ATP2B2: variants seen among roughly 807,000 people sequenced by gnomAD.
The protein encoded by ATP2B2 is plasma membrane calcium-transporting ATPase 2.
ATP2B2 carries 15 observed loss-of-function variants against 120.0 expected under a neutral mutation model. The ratio of observed to expected loss-of-function variants is 0.12; its 90% confidence interval spans 0.08 to 0.19. The LOEUF is 0.19. ATP2B2 is among the 10% of genes least tolerant of loss of function. The pLI is 1.00. For synonymous variants in ATP2B2, 694 were observed against 700.3 expected (o/e 0.99, Z 0.14); for missense variants, 1,045 against 1,719.8 (o/e 0.61, Z 6.94).
At chr3:10,391,337 A>G (rs1354424582) in intron 5 of ATP2B2, among the ~76,000 whole-genome samples, 3 of 152,166 alleles carry the variant, frequency 2.0e-5, no homozygotes, top group African/African-American at 7.2e-5. Flanking sequence ...AGGCCCTCAC[A>G]TTCTGGTCTG....
intron 1 of ATP2B2, among the ~76,000 whole-genome samples, chr3:10,627,810 C>G (rs1039981566): frequency 2.6e-5 from 4 of 152,152 alleles, no homozygotes; most frequent in African/African-American, 9.7e-5. Flanking sequence ...ACCTCGTGGC[C>G]TTCACAGTCT....
intron 1 of ATP2B2, among the ~76,000 whole-genome samples, chr3:10,681,180 C>A (rs1023038053): frequency 6.6e-6 from 1 of 152,206 alleles, no homozygotes; most frequent in Non-Finnish European, 1.5e-5. Flanking sequence ...GGGAATTAAA[C>A]CTCTTTTCTT....
At chr3:10,446,328 C>A (rs2063835807) in intron 2 of ATP2B2, among the ~76,000 whole-genome samples, 1 of 152,126 alleles carries the variant, frequency 6.6e-6, no homozygotes, top group African/African-American at 2.4e-5. Context: ...GGCACTTGAC[C>A]TGATTTTATT....
In ATP2B2 at chr3:10,635,142, T is replaced by C. The variant is rs1397330202; in HGVS notation, c.-459-15181A>G. Among the ~76,000 whole-genome samples the C allele has an allele frequency of 6.6e-6, 1 of 152,078 alleles. No individual in the cohort carries two copies. Among genetic ancestry groups the C allele is most frequent in the African/African-American group, 2.4e-5 (1 of 41,416 alleles). ...CGGAGCAGGAGGTACTGTGAGGATA[T>C]GGAAAGTGTCACTACTCAGCTCAAG... On this transcript the variant is annotated intron_variant, in intron 1 of 21. Coordinates refer to the ATP2B2 transcript ENST00000646379. This position sits in a 1 kb window ranked among gnomAD's most constrained non-coding sequence, Gnocchi z 4.3.
intron 2 of ATP2B2, among the ~76,000 whole-genome samples, chr3:10,412,071 G>T (rs1284070348): frequency 6.6e-6 from 1 of 152,232 alleles, no homozygotes; most frequent in African/African-American, 2.4e-5. Context: ...ACCTGTGTCT[G>T]CAGCCTTGGC....
intron 2 of ATP2B2, among the ~76,000 whole-genome samples, chr3:10,434,954 T>G (rs2125115725): frequency 6.6e-6 from 1 of 152,318 alleles, no homozygotes; most frequent in East Asian, 1.9e-4. Context: ...TTGGAGCAAC[T>G]GAAAACTTTC....
chr3:10,593,201 G>GA (rs1452693694), intron 2 of ATP2B2, among the ~76,000 whole-genome samples: 3 of 152,326 alleles, frequency 2.0e-5, no homozygotes, highest in African/African-American at 7.2e-5. Flanking sequence ...AAGGTCACCT[G>GA]AAAAATAAAT....
In ATP2B2 at chr3:10,635,384, G is replaced by A. The variant is rs2069993917; in HGVS notation, c.-459-15423C>T. 6.6e-6 allele frequency among the ~76,000 whole-genome samples: 1 copy of A among 152,142 alleles called. No individual in the cohort carries two copies. The highest frequency in any genetic ancestry group is 1.5e-5 in the Non-Finnish European group (1 of 68,036). Reference sequence around the variant, plus strand: ...AAGTAATCAGAAAACAGCTCTAAAAGCCTCCTGCATTTCCCTTCCCTCCTC... The same window carrying A: ...AAGTAATCAGAAAACAGCTCTAAAAACCTCCTGCATTTCCCTTCCCTCCTC... On this transcript the variant is annotated intron_variant, in intron 1 of 21. Coordinates refer to the ATP2B2 transcript ENST00000646379. This position sits in a 1 kb window ranked among gnomAD's most constrained non-coding sequence, Gnocchi z 4.3.
intron 5 of ATP2B2, among the ~76,000 whole-genome samples, chr3:10,395,197 A>G (rs2061995761): frequency 6.6e-6 from 1 of 152,170 alleles, no homozygotes; most frequent in African/African-American, 2.4e-5. Context: ...GAAGTTCATG[A>G]CCTAGGAGGG....
chr3:10,445,520 G>A (rs780757456), intron 2 of ATP2B2, among the ~76,000 whole-genome samples: 3 of 152,200 alleles, frequency 2.0e-5, no homozygotes, highest in Non-Finnish European at 4.4e-5. Context: ...TCACAGGGGG[G>A]CAGGTTTACC....
At chr3:10,531,222 C>T (rs2067203210) in intron 3 of ATP2B2, among the ~76,000 whole-genome samples, 1 of 152,182 alleles carries the variant, frequency 6.6e-6, no homozygotes, top group Non-Finnish European at 1.5e-5. Flanking sequence ...TCGGGCTCAG[C>T]CCAGGCCTGC....
chr3:10,635,855 G>A lies in ATP2B2; in HGVS notation c.-459-15894C>T, dbSNP rs1313379432. 6.6e-6 allele frequency among the ~76,000 whole-genome samples: 1 copy of A among 152,176 alleles called. No homozygotes were observed. Among genetic ancestry groups the A allele is most frequent in the East Asian group, 1.9e-4 (1 of 5,184 alleles). The stretch of plus-strand genomic sequence containing the variant: ...GCCTTAGCTCAAAGAGATTCCTGCT[G>A]GCAAGGGAGGCTGCAGTGGCGGCTG... On this transcript the variant is annotated intron_variant, in intron 1 of 21. Transcript: ENST00000646379. This position sits in a 1 kb window ranked among gnomAD's most constrained non-coding sequence, Gnocchi z 4.3.
chr3:10,329,290 G>C lies in ATP2B2; in HGVS notation c.3421-165C>G, dbSNP rs1174978509. Among the ~76,000 whole-genome samples, 1 of 151,982 alleles carries C rather than the reference G, an allele frequency of 6.6e-6. No homozygotes were observed. The highest frequency in any genetic ancestry group is 1.5e-5 in the Non-Finnish European group (1 of 67,994). ...TGACAGGATGGGGGAGAGTGAAAAA[G>C]GGGGCTCAGGTTATAGGCATCCTTG... On this transcript the variant is annotated intron_variant, in intron 22 of 22. Transcript: ENST00000360273. This position sits in a 1 kb window ranked among gnomAD's most constrained non-coding sequence, Gnocchi z 5.9.
At chr3:10,584,171 G>C (rs1168791115) in intron 2 of ATP2B2, among the ~76,000 whole-genome samples, 1 of 152,144 alleles carries the variant, frequency 6.6e-6, no homozygotes, top group Non-Finnish European at 1.5e-5. Flanking sequence ...GGGTGGGAGG[G>C]GGCAGAGGCA....
intron 2 of ATP2B2, among the ~76,000 whole-genome samples, chr3:10,606,170 C>T (rs1236719049): frequency 6.6e-6 from 1 of 152,110 alleles, no homozygotes; most frequent in Non-Finnish European, 1.5e-5. Flanking sequence ...GTTGCTGTTT[C>T]CAGTGGAGGA....
intron 2 of ATP2B2, among the ~76,000 whole-genome samples, chr3:10,449,027 C>A (rs1161903659): frequency 6.6e-6 from 1 of 152,216 alleles, no homozygotes; most frequent in Non-Finnish European, 1.5e-5. Context: ...CTAGTGCCTC[C>A]CATAGTAACA....
At chr3:10,422,163 C>T (rs2063002332) in intron 2 of ATP2B2, among the ~76,000 whole-genome samples, 1 of 152,214 alleles carries the variant, frequency 6.6e-6, no homozygotes, top group African/African-American at 2.4e-5. Flanking sequence ...CTGGCTCCTG[C>T]CTCTCTGGGG....
intron 1 of ATP2B2, among the ~76,000 whole-genome samples, chr3:10,475,698 A>G (rs2065179491): frequency 6.6e-6 from 1 of 152,196 alleles, no homozygotes; most frequent in African/African-American, 2.4e-5. Context: ...AGGGAAACTG[A>G]GACTCAGAAA....
chr3:10,446,251 C>T (rs1409234469), intron 2 of ATP2B2, among the ~76,000 whole-genome samples: 1 of 152,210 alleles, frequency 6.6e-6, no homozygotes, highest in African/African-American at 2.4e-5. Flanking sequence ...CCCACTTTTT[C>T]CCGAGTGATG....
Sources: gnomAD v4.1 joint callset for allele counts (sites outside exome capture counted in the v4.1 genomes callset) on GRCh38, gnomAD v4.1.1 for gene constraint, Gnocchi (gnomAD v3.1) non-coding constraint, MANE v1.5 for transcripts, NCBI Gene and HGNC (gene_info 2026-07-23, HGNC 2026-07-21) for gene names.